Variants in DSCAM observed in about 807,000 individuals in gnomAD.
The protein encoded by DSCAM is DS cell adhesion molecule, also known as cell adhesion molecule DSCAM.
Under a neutral mutation model 217.7 loss-of-function variants are expected in DSCAM, and 47 were observed. That is an observed-to-expected ratio of 0.22 (90% CI 0.17 to 0.28). DSCAM has a LOEUF of 0.28. DSCAM is among the 10% of genes least tolerant of loss of function. DSCAM has a pLI of 1.00. For missense variants in DSCAM, 2,080 were observed against 2,618.3 expected (o/e 0.79, Z 4.49); for synonymous variants, 1,056 against 1,015.3 (o/e 1.04, Z -0.76).
At chr21:40,128,690 A>T (rs1385924253) in intron 19 of DSCAM, among the ~76,000 whole-genome samples, 1 of 136,542 alleles carries the variant, frequency 7.3e-6, no homozygotes, top group Admixed American at 7.5e-5. Flanking sequence ...CTCCAGCCTC[A>T]TAACCAAACA....
chr21:40,596,197 G>C (rs568433665), intron 3 of DSCAM, among the ~76,000 whole-genome samples: 17 of 152,226 alleles, frequency 1.1e-4, no homozygotes, highest in African/African-American at 3.4e-4. Context: ...TAATAGACAG[G>C]TACTACCTAG....
chr21:40,510,147 C>T (rs1430180783), intron 3 of DSCAM, among the ~76,000 whole-genome samples: 2 of 151,370 alleles, frequency 1.3e-5, no homozygotes, highest in Non-Finnish European at 1.5e-5. Context: ...CTAAAATTGT[C>T]CCCCCCCAAA....
intron 20 of DSCAM, among the ~76,000 whole-genome samples, chr21:40,109,308 A>G (rs2089864206): frequency 6.6e-6 from 1 of 151,908 alleles, no homozygotes; most frequent in Non-Finnish European, 1.5e-5. Context: ...CAAGAAAAAA[A>G]TAAACAATCC....
intron 21 of DSCAM, among the ~76,000 whole-genome samples, chr21:40,089,710 C>T (rs2089580393): frequency 6.6e-6 from 1 of 152,088 alleles, no homozygotes; most frequent in Non-Finnish European, 1.5e-5. Context: ...GCCTTTCAGC[C>T]TTCATGGTTT....
At chr21:40,538,912 G>A (rs1178732139) in intron 3 of DSCAM, among the ~76,000 whole-genome samples, 3 of 152,190 alleles carry the variant, frequency 2.0e-5, no homozygotes, top group Non-Finnish European at 4.4e-5. Context: ...CCTTCATGAG[G>A]TCAAGTAGTA....
chr21:40,677,307 T>A (rs1439300080), intron 3 of DSCAM, among the ~76,000 whole-genome samples: 1 of 151,816 alleles, frequency 6.6e-6, no homozygotes, highest in Non-Finnish European at 1.5e-5. Flanking sequence ...AAATGCAATT[T>A]AGGTTGAAAA....
chr21:40,254,568 C>T (rs1169612035), intron 11 of DSCAM, among the ~76,000 whole-genome samples: 1 of 152,232 alleles, frequency 6.6e-6, no homozygotes, highest in Non-Finnish European at 1.5e-5. Context: ...TACATTATGA[C>T]TTAACACACA....
chr21:40,544,016 A>G lies in DSCAM; in HGVS notation c.508+148794T>C, dbSNP rs527647859. ...CCTGTTCCATAGACAGTAAGTGCCAAGTTGAACTCTTAGTCAGTGTGAGTT... is the reference window on the plus strand; with the variant it reads ...CCTGTTCCATAGACAGTAAGTGCCAGGTTGAACTCTTAGTCAGTGTGAGTT... On this transcript the variant is annotated intron_variant, in intron 3 of 32. Coordinates refer to ENST00000400454, the MANE Select transcript of DSCAM (RefSeq NM_001389.5). Among the ~76,000 whole-genome samples the G allele has an allele frequency of 2.6e-5, 4 of 152,254 alleles. No individual in the cohort carries two copies. The South Asian group carries it at 8.3e-4, about 32-fold the overall frequency.
intron 3 of DSCAM, among the ~76,000 whole-genome samples, chr21:40,617,937 C>T (rs13046040): frequency 6.6e-6 from 1 of 152,140 alleles, no homozygotes; most frequent in Non-Finnish European, 1.5e-5. Context: ...GGCAAAACAC[C>T]GGCACCCACC....
chr21:40,121,581 A>G (rs1434510523), intron 20 of DSCAM, among the ~76,000 whole-genome samples: 1 of 151,178 alleles, frequency 6.6e-6, no homozygotes, highest in African/African-American at 2.4e-5. Context: ...CTATGTCTCT[A>G]GTCTTTTTAA....
intron 1 of DSCAM, among the ~76,000 whole-genome samples, chr21:40,776,949 C>T (rs1450585972): frequency 1.3e-5 from 2 of 152,170 alleles, no homozygotes; most frequent in Admixed American, 6.5e-5. Context: ...AAGCTGTCAG[C>T]AACCAAAAGA....
chr21:40,800,273 C>T (rs894123530), intron 1 of DSCAM, among the ~76,000 whole-genome samples: 3 of 152,076 alleles, frequency 2.0e-5, no homozygotes, highest in African/African-American at 7.2e-5. Flanking sequence ...CTGTTATAAG[C>T]AATACGAACT....
chr21:40,058,536 A>G (rs886794105), intron 28 of DSCAM, among the ~76,000 whole-genome samples: 1 of 152,206 alleles, frequency 6.6e-6, no homozygotes, highest in East Asian at 1.9e-4. Context: ...TAGGTGCTCA[A>G]TAAATATCTG....
chr21:40,690,382 G>T (rs28609466), intron 3 of DSCAM, among the ~76,000 whole-genome samples: 1 of 152,126 alleles, frequency 6.6e-6, no homozygotes, highest in African/African-American at 2.4e-5. Flanking sequence ...CAGGTTGAAC[G>T]ACCTGATATG....
intron 3 of DSCAM, among the ~76,000 whole-genome samples, chr21:40,470,844 T>C (rs748700481): frequency 2.6e-5 from 4 of 152,186 alleles, no homozygotes; most frequent in Non-Finnish European, 5.9e-5. Context: ...GTGAGCCACC[T>C]CACCTGGGCA....
chr21:40,106,513 C>T (rs2089823166), intron 20 of DSCAM, among the ~76,000 whole-genome samples: 2 of 152,094 alleles, frequency 1.3e-5, no homozygotes, highest in Admixed American at 6.6e-5. Flanking sequence ...GTCCCCCCTC[C>T]TAGATTTTTT....
At chr21:40,068,941 C>T (rs1048100268) in intron 27 of DSCAM, among the ~76,000 whole-genome samples, 6 of 151,900 alleles carry the variant, frequency 3.9e-5, no homozygotes, top group Admixed American at 2.6e-4. Flanking sequence ...CAAAATTAGC[C>T]GGGCATGGTG....
In DSCAM at chr21:40,187,378, T is replaced by C. The variant is rs1361832225; in HGVS notation, c.2651-119A>G. ...GTCTGCATTAGACAAGAACAGAAGC[T>C]TTTTATTTGGAAGCATTTTCTTTTT... On this transcript the variant is annotated intron_variant, in intron 13 of 32. Coordinates refer to ENST00000400454, the MANE Select transcript of DSCAM (RefSeq NM_001389.5). The C allele has an allele frequency of 3.1e-6, 4 of 1,299,264 alleles. No individual in the cohort carries two copies. The African/African-American group carries it at 6.0e-5, about 20-fold the overall frequency. The allele number at this position is 1,299,264 out of a possible 1,614,324, so 80.5% of individuals were successfully genotyped here.
chr21:40,355,740 G>T lies in DSCAM; in HGVS notation c.656-1997C>A, dbSNP rs1036610181. ...ATGCCATGACTCTTTTGATCTACCT[G>T]CAATAAATCTGATGGCCAAGGAATG... On this transcript the variant is annotated intron_variant, in intron 4 of 32. Transcript: ENST00000400454. Among the ~76,000 whole-genome samples the T allele has an allele frequency of 2.6e-5, 4 of 152,292 alleles. No individual in the cohort carries two copies. In the South Asian group the frequency reaches 6.2e-4, roughly 24 times the overall value.
Sources: allele counts gnomAD v4.1 joint callset (sites outside exome capture counted in the v4.1 genomes callset), GRCh38; gene constraint gnomAD v4.1.1; transcripts MANE v1.5; gene names NCBI Gene and HGNC (gene_info 2026-07-23, HGNC 2026-07-21).